Variants in RPS6KC1 observed in about 807,000 individuals in gnomAD.
RPS6KC1 encodes inactive ribosomal protein S6 kinase delta-1.
Under a neutral mutation model 103.8 loss-of-function variants are expected in RPS6KC1, and 54 were observed. That is an observed-to-expected ratio of 0.52 (90% CI 0.42 to 0.65). RPS6KC1 has a LOEUF of 0.65. Among genes scored for constraint, RPS6KC1 ranks in the 30% least tolerant of loss-of-function variants. RPS6KC1 has a pLI of 0.00. For synonymous variants in RPS6KC1, 439 were observed against 438.7 expected (o/e 1.00, Z -0.01); for missense variants, 1,151 against 1,253.8 (o/e 0.92, Z 1.24).
rs1319715146 is a variant in RPS6KC1, at chr1:213,051,384, G to A, written c.-21G>A. The A allele has an allele frequency of 1.3e-6, 2 of 1,586,988 alleles. No homozygotes were observed. The highest frequency in any genetic ancestry group is 1.3e-5 in the African/African-American group (1 of 74,370). On this transcript the variant is annotated 5_prime_UTR_variant, in exon 1 of 15. Transcript: ENST00000366960. ...CTCATGATCCCGGGCGGGTGGCGGC[G>A]GCGGCAGAGGCGGCGGGAGGATGAC...
the RPS6KC1 span, among the ~76,000 whole-genome samples, chr1:213,759,332 A>C: frequency 6.6e-6 from 1 of 152,328 alleles, no homozygotes; most frequent in Middle Eastern, 3.4e-3. Context: ...TACAACTTTT[A>C]TATGCACTGG....
chr1:213,640,883 CAGTT>C, the RPS6KC1 span, among the ~76,000 whole-genome samples: 21,294 of 151,628 alleles, frequency 0.14, 2,342 homozygotes, highest in African/African-American at 0.31. Context: ...TAATTTTATC[CAGTT>C]AGTTGATGGT....
chr1:213,449,463 C>G, the RPS6KC1 span, among the ~76,000 whole-genome samples: 19 of 152,062 alleles, frequency 1.2e-4, no homozygotes, highest in Non-Finnish European at 2.4e-4. Flanking sequence ...CCTCATGCGG[C>G]CTTCCTTTTC....
the RPS6KC1 span, among the ~76,000 whole-genome samples, chr1:213,621,134 C>G: frequency 1.3e-5 from 2 of 152,170 alleles, no homozygotes; most frequent in Admixed American, 1.3e-4. Flanking sequence ...TTCTCTGCCC[C>G]CACTACTCTC....
At chr1:213,118,332 C>T in intron 5 of RPS6KC1, among the ~76,000 whole-genome samples, 1 of 151,088 alleles carries the variant, frequency 6.6e-6, no homozygotes, top group South Asian at 2.1e-4. Context: ...GATTTGGGGG[C>T]AGGGGTAGGA....
At chr1:213,570,227 C>T in the RPS6KC1 span, among the ~76,000 whole-genome samples, 3 of 152,112 alleles carry the variant, frequency 2.0e-5, no homozygotes, top group African/African-American at 7.2e-5. Context: ...CTAGTTTTCT[C>T]ATTTACCAAA....
the RPS6KC1 span, among the ~76,000 whole-genome samples, chr1:213,478,190 A>G: frequency 6.6e-6 from 1 of 152,144 alleles, no homozygotes; most frequent in African/African-American, 2.4e-5. Flanking sequence ...TTATGACTGG[A>G]TAGCTCATTT....
chr1:213,212,012 C>T (rs1320791267), intron 8 of RPS6KC1, among the ~76,000 whole-genome samples: 1 of 152,066 alleles, frequency 6.6e-6, no homozygotes, highest in East Asian at 1.9e-4. Context: ...CTTGCATAGC[C>T]TCCCCTATTG....
At chr1:213,529,082 C>G in the RPS6KC1 span, among the ~76,000 whole-genome samples, 1 of 152,130 alleles carries the variant, frequency 6.6e-6, no homozygotes, top group African/African-American at 2.4e-5. Context: ...TTGCCTTTCT[C>G]AAGCTTATGA....
chr1:213,369,507 A>G, the RPS6KC1 span, among the ~76,000 whole-genome samples: 1 of 152,226 alleles, frequency 6.6e-6, no homozygotes, highest in Non-Finnish European at 1.5e-5. Flanking sequence ...CAAGCTCGCA[A>G]TTCCACTAAA....
At chr1:213,437,471 G>C in the RPS6KC1 span, among the ~76,000 whole-genome samples, 1 of 151,906 alleles carries the variant, frequency 6.6e-6, no homozygotes. Flanking sequence ...TTACTCTTGT[G>C]ATGTGCTTGT....
the RPS6KC1 span, among the ~76,000 whole-genome samples, chr1:213,280,654 T>A: frequency 6.6e-6 from 1 of 152,198 alleles, no homozygotes; most frequent in Admixed American, 6.5e-5. Flanking sequence ...TGAAATTAGA[T>A]GTTTGCTGAA....
intron 8 of RPS6KC1, among the ~76,000 whole-genome samples, chr1:213,193,286 A>T (rs900668151): frequency 8.6e-5 from 13 of 151,794 alleles, no homozygotes; most frequent in Middle Eastern, 3.4e-3. Flanking sequence ...TGAGTCAGAG[A>T]CTCGCTCTGT....
At chr1:213,358,024 G>C in the RPS6KC1 span, among the ~76,000 whole-genome samples, 3 of 152,208 alleles carry the variant, frequency 2.0e-5, no homozygotes. Flanking sequence ...TGTGCTGCTG[G>C]ATTCGGTTTG....
chr1:213,167,482 A>G (rs867453136), intron 6 of RPS6KC1, among the ~76,000 whole-genome samples: 1 of 140,156 alleles, frequency 7.1e-6, no homozygotes, highest in African/African-American at 2.9e-5. Flanking sequence ...ACACACACAC[A>G]CACACACAAC....
At chr1:213,291,495 C>A in the RPS6KC1 span, among the ~76,000 whole-genome samples, 2 of 152,240 alleles carry the variant, frequency 1.3e-5, no homozygotes, top group Admixed American at 6.5e-5. Context: ...AAGACTGTGA[C>A]TGCACAGCGT....
intron 2 of RPS6KC1, among the ~76,000 whole-genome samples, chr1:213,073,859 A>G (rs1051955221): frequency 1.3e-5 from 2 of 152,022 alleles, no homozygotes; most frequent in Admixed American, 1.3e-4. Flanking sequence ...TATTTTTAGT[A>G]GAGACGGGGT....
chr1:213,241,879 A>T lies in RPS6KC1; in HGVS notation c.2403A>T (p.Gly801=). The change falls in exon 11 of 15, where the codon GGA becomes GGT. Residue 801 remains glycine (G), a synonymous_variant. Transcript: ENST00000366960. ...CCAGCTCAGATCCTAAGTTTCAAGG[A>T]CTTGGAGTGGTTGAGTCAGCAGTAA... The part of the protein sequence containing the change: ...LLPSSDPKFQ[G]LGVVESAVTA... 3 of 1,614,040 alleles carry T rather than the reference A, an allele frequency of 1.9e-6. No homozygotes were observed. Among genetic ancestry groups the T allele is most frequent in the Non-Finnish European group, 2.5e-6 (3 of 1,179,952 alleles).
chr1:213,626,582 C>A, the RPS6KC1 span, among the ~76,000 whole-genome samples: 3 of 152,170 alleles, frequency 2.0e-5, no homozygotes. Flanking sequence ...AGTTTTTAAT[C>A]CATCTTGAAT....
Sources: gnomAD v4.1 joint callset for allele counts (sites outside exome capture counted in the v4.1 genomes callset) on GRCh38, gnomAD v4.1.1 for gene constraint, MANE v1.5 for transcripts, NCBI Gene and HGNC (gene_info 2026-07-23, HGNC 2026-07-21) for gene names.